RAB10: variants seen among roughly 807,000 people sequenced by gnomAD.
The protein encoded by RAB10 is ras-related protein Rab-10.
A neutral mutation model predicts 25.7 loss-of-function variants in RAB10; 5 were observed. The ratio of observed to expected loss-of-function variants is 0.19; its 90% confidence interval spans 0.10 to 0.41. The LOEUF (loss-of-function observed/expected upper bound fraction) is 0.41, where lower values mean the gene tolerates loss of function less well. RAB10 is among the 10% of genes least tolerant of loss of function. RAB10 has a pLI of 1.00. For synonymous variants in RAB10, 89 were observed against 86.4 expected (o/e 1.03, Z -0.16); for missense variants, 103 against 245.8 (o/e 0.42, Z 3.89).
chr2:26,062,958 T>TA (rs1368746465), intron 1 of RAB10, among the ~76,000 whole-genome samples: 1 of 151,616 alleles, frequency 6.6e-6, no homozygotes, highest in Non-Finnish European at 1.5e-5. Context: ...CTATTAAAAA[T>TA]ACAAAAATTA....
Position 26,098,730 on chromosome 2 carries a change from A to T in RAB10, c.188+8A>T, listed in dbSNP as rs771693111. 6.4e-7 allele frequency: 1 copy of T among 1,570,528 alleles called. No homozygotes were observed. Among genetic ancestry groups the T allele is most frequent in the East Asian group, 2.2e-5 (1 of 44,480 alleles). On this transcript the variant is annotated splice_region_variant and intron_variant, in intron 2 of 5. Transcript: ENST00000264710. ...GATCAAGCTACAGATATGGTAAGTG[A>T]TGCTAATTTACTTTATGTAGCAGAA...
intron 1 of RAB10, among the ~76,000 whole-genome samples, chr2:26,070,850 T>A (rs1351466531): frequency 2.6e-5 from 4 of 152,156 alleles, no homozygotes; most frequent in Non-Finnish European, 5.9e-5. Context: ...AACATGTGGA[T>A]CCCCACTGAC....
chr2:26,075,999 A>G (rs750341882), intron 1 of RAB10, among the ~76,000 whole-genome samples: 5 of 152,104 alleles, frequency 3.3e-5, no homozygotes, highest in Non-Finnish European at 7.3e-5. Flanking sequence ...GGCCAAAAAG[A>G]AGGCAGACAT....
chr2:26,077,234 A>C (rs1318948168), intron 1 of RAB10, among the ~76,000 whole-genome samples: 2 of 152,192 alleles, frequency 1.3e-5, no homozygotes, highest in East Asian at 3.8e-4. Flanking sequence ...TTAAAAGTAC[A>C]TGTGTATTAC....
chr2:26,060,974 G>A (rs766867748), intron 1 of RAB10, among the ~76,000 whole-genome samples: 3 of 151,390 alleles, frequency 2.0e-5, no homozygotes, highest in Non-Finnish European at 4.4e-5. Context: ...TTTTGGGAGT[G>A]GTTATAGACA....
Position 26,136,753 on chromosome 2 carries a change from C to T in RAB10, c.*1732C>T, listed in dbSNP as rs1304361950. The T allele has an allele frequency of 1.3e-5, 2 of 152,538 alleles. No individual in the cohort carries two copies. Among genetic ancestry groups the T allele is most frequent in the African/African-American group, 2.4e-5 (1 of 41,440 alleles). 9.4% of individuals were successfully genotyped at this position (152,538 alleles called of 1,614,324 possible). On this transcript the variant is annotated 3_prime_UTR_variant, in exon 6 of 6. Coordinates refer to ENST00000264710, the MANE Select transcript of RAB10 (RefSeq NM_016131.5). ...CTCACATAAGCAAACAACATAGGGA[C>T]GTATCTGCTATGAAAATCCACAAAT...
chr2:26,125,154 G>A (rs1447480274), intron 3 of RAB10, among the ~76,000 whole-genome samples: 1 of 152,066 alleles, frequency 6.6e-6, no homozygotes, highest in African/African-American at 2.4e-5. Context: ...TGATAATTCT[G>A]TGTGTAACCT....
intron 1 of RAB10, among the ~76,000 whole-genome samples, chr2:26,048,726 T>A (rs180689428): frequency 6.6e-6 from 1 of 151,946 alleles, no homozygotes; most frequent in Non-Finnish European, 1.5e-5. Flanking sequence ...AAGAAAAAAA[T>A]TAGCTGGATG....
chr2:26,046,755 C>A (rs1175096124), intron 1 of RAB10, among the ~76,000 whole-genome samples: 1 of 152,094 alleles, frequency 6.6e-6, no homozygotes, highest in African/African-American at 2.4e-5. Context: ...AGAAACAGAG[C>A]TTCCAAGGTT....
At chr2:26,126,206 A>G (rs1667900337) in intron 3 of RAB10, among the ~76,000 whole-genome samples, 2 of 152,082 alleles carry the variant, frequency 1.3e-5, no homozygotes, top group Non-Finnish European at 1.5e-5. Flanking sequence ...ATTCCATTCC[A>G]TTAGTCTGTG....
Position 26,034,458 on chromosome 2 carries a change from G to A in RAB10, c.-151G>A. ...CCGCCACTGTCGGGGCTTCCTCAAA[G>A]CTGTTCGTAGGTCGCCCGCGCCGTC... On this transcript the variant is annotated 5_prime_UTR_variant, in exon 1 of 6. Coordinates refer to ENST00000264710, the MANE Select transcript of RAB10 (RefSeq NM_016131.5). 1 of 1,048,848 alleles carries A rather than the reference G, an allele frequency of 9.5e-7. No homozygotes were observed. Among genetic ancestry groups the A allele is most frequent in the Non-Finnish European group, 1.4e-6 (1 of 738,532 alleles). 65.0% of individuals were successfully genotyped at this position (1,048,848 alleles called of 1,614,324 possible). A position where few individuals can be genotyped will look rare whatever the true frequency, so the allele number is the denominator to read the frequency against.
rs150114105 is a variant in RAB10, at chr2:26,113,693, A to G, written c.327+3787A>G. ...CTAAGATCAAGAGCATGGCAAGAAT[A>G]TCTACTCTGGCCACTTCTGTTCAAC... On this transcript the variant is annotated intron_variant, in intron 3 of 5. Coordinates refer to ENST00000264710, the MANE Select transcript of RAB10 (RefSeq NM_016131.5). 2.0e-3 allele frequency among the ~76,000 whole-genome samples: 310 copies of G among 151,516 alleles called. 1 individual carries two copies. The highest frequency in any genetic ancestry group is 7.4e-3 in the African/African-American group (304 of 41,312).
At chr2:26,114,080 A>G (rs1200477664) in intron 3 of RAB10, among the ~76,000 whole-genome samples, 1 of 152,226 alleles carries the variant, frequency 6.6e-6, no homozygotes, top group East Asian at 1.9e-4. Flanking sequence ...TTGTTGAAAG[A>G]AATTAAAGAT....
intron 1 of RAB10, among the ~76,000 whole-genome samples, chr2:26,059,131 T>C (rs1265131468): frequency 6.6e-6 from 1 of 152,266 alleles, no homozygotes; most frequent in African/African-American, 2.4e-5. Flanking sequence ...AGGTGCTTTA[T>C]AAAAGTTGAT....
chr2:26,044,019 T>C (rs1004915478), intron 1 of RAB10, among the ~76,000 whole-genome samples: 2 of 152,098 alleles, frequency 1.3e-5, no homozygotes, highest in African/African-American at 4.8e-5. Context: ...GTTTAATGAG[T>C]ATAAAACAAC....
intron 3 of RAB10, among the ~76,000 whole-genome samples, chr2:26,123,063 T>A (rs1667838964): frequency 6.6e-6 from 1 of 152,124 alleles, no homozygotes; most frequent in South Asian, 2.1e-4. Context: ...CCCCAAGACC[T>A]GAAGGGAAAA....
At chr2:26,079,075 T>A (rs1420687837) in intron 1 of RAB10, among the ~76,000 whole-genome samples, 2 of 152,076 alleles carry the variant, frequency 1.3e-5, no homozygotes, top group African/African-American at 4.8e-5. Context: ...TAGTCCCAGC[T>A]ACTCTGGAGG....
intron 1 of RAB10, among the ~76,000 whole-genome samples, chr2:26,091,646 A>G (rs11126364): frequency 0.77 from 117,104 of 151,950 alleles, 45,178 homozygotes; most frequent in East Asian, 0.87. Flanking sequence ...GGTATCTTGG[A>G]TTTGGAGTTC....
At chr2:26,053,605 A>T (rs1666180594) in intron 1 of RAB10, among the ~76,000 whole-genome samples, 1 of 152,212 alleles carries the variant, frequency 6.6e-6, no homozygotes, top group Non-Finnish European at 1.5e-5. Flanking sequence ...AACCTGGTAA[A>T]TATTCGTGCT....
Sources: allele counts gnomAD v4.1 joint callset (sites outside exome capture counted in the v4.1 genomes callset), GRCh38; gene constraint gnomAD v4.1.1; transcripts MANE v1.5; gene names NCBI Gene and HGNC (gene_info 2026-07-23, HGNC 2026-07-21).